Variants in PPP1R17 observed in about 807,000 individuals in gnomAD.
PPP1R17 encodes protein phosphatase 1 regulatory subunit 17.
PPP1R17 carries 12 observed loss-of-function variants against 15.9 expected under a neutral mutation model. The ratio of observed to expected loss-of-function variants is 0.75; its 90% CI spans 0.48 to 1.22. The LOEUF is 1.22. Ranked by LOEUF, PPP1R17 falls within the 50% of genes most tolerant of loss-of-function variation. The pLI is 0.00. For synonymous variants in PPP1R17, 63 were observed against 64.5 expected, an observed-to-expected ratio of 0.98 and a Z score of 0.11; for missense variants, 211 against 187.3, an observed-to-expected ratio of 1.13 and a Z score of -0.74.
intron 4 of PPP1R17, among the ~76,000 whole-genome samples, chr7:31,704,593 C>G (rs965170180): frequency 6.6e-6 from 1 of 152,178 alleles, no homozygotes; most frequent in African/African-American, 2.4e-5. Context: ...ATGTATTGTC[C>G]AGTGATTCCT....
At position 31,702,087 on chromosome 7, in the gene PPP1R17, T is replaced by A. The variant is rs116002130; in HGVS notation, c.388+4970T>A. On this transcript the variant is annotated intron_variant, in intron 4 of 4. Coordinates refer to ENST00000342032, the MANE Select transcript of PPP1R17 (RefSeq NM_006658.5). ...CCAGATCTGATCTATTTTCCATGGATCTTTTTCTGGTACTACCTATTAGTC... is the reference window on the plus strand; with the variant it reads ...CCAGATCTGATCTATTTTCCATGGAACTTTTTCTGGTACTACCTATTAGTC... Among the ~76,000 whole-genome samples the A allele has an allele frequency of 6.6e-3, 1,002 of 152,338 alleles. 9 individuals are homozygous for A. The highest frequency in any genetic ancestry group is 0.023 in the African/African-American group (953 of 41,588).
At chr7:31,688,024 G>A (rs2128236272) in intron 1 of PPP1R17, among the ~76,000 whole-genome samples, 1 of 152,294 alleles carries the variant, frequency 6.6e-6, no homozygotes, top group South Asian at 2.1e-4. Flanking sequence ...CAGCTTCAGA[G>A]AAGGCCAGAG....
In PPP1R17 at chr7:31,692,451, A is replaced by G. The variant is rs1349705704; in HGVS notation, c.10A>G (p.Thr4Ala). Residue 4 changes from threonine (T) to alanine (A), a missense_variant, in exon 2 of 5, where the codon ACT (threonine) becomes GCT (alanine). By Grantham distance (58) the Thr-to-Ala change is moderately conservative. Transcript: ENST00000342032. MMS[T>A]EQMQPLELSE... ...CACCCACCCTCCTTTGATGATGTCCACTGAGCAAATGCAGCCACTGGAACT... is the reference window on the plus strand; with the variant it reads ...CACCCACCCTCCTTTGATGATGTCCGCTGAGCAAATGCAGCCACTGGAACT... 2 of 1,610,280 alleles carry G rather than the reference A, an allele frequency of 1.2e-6. No homozygotes were observed. Among genetic ancestry groups the G allele is most frequent in the Non-Finnish European group, 8.5e-7 (1 of 1,176,518 alleles).
intron 4 of PPP1R17, among the ~76,000 whole-genome samples, chr7:31,699,623 G>A (rs1361666668): frequency 6.6e-6 from 1 of 151,690 alleles, no homozygotes; most frequent in African/African-American, 2.4e-5. Flanking sequence ...ACTTTTTTGT[G>A]CTTTTCAGAT....
In PPP1R17 at chr7:31,708,274, GA is replaced by G. The variant is rs1358684947; in HGVS notation, c.*992del. 6.6e-6 allele frequency: 1 copy of G among 152,234 alleles called. No individual in the cohort carries two copies. Among genetic ancestry groups the G allele is most frequent in the East Asian group, 1.9e-4 (1 of 5,196 alleles). The allele number at this position is 152,234 out of a possible 1,614,324, so 9.4% of individuals were successfully genotyped here. On this transcript the variant is annotated 3_prime_UTR_variant, in exon 5 of 5. Transcript: ENST00000342032. ...CTCATCCACCAGGCAATAGACAGGA[GA>G]GAGGTGAGAACTATTTTTAGAAGGA...
At chr7:31,695,337 A>T in intron 2 of PPP1R17, 132 bp from the exon 3 acceptor site, 1 of 748,474 alleles carries the variant, frequency 1.3e-6, no homozygotes, top group Non-Finnish European at 2.0e-6. Context: ...AGGCCACAAT[A>T]AATAAACACT....
intron 2 of PPP1R17, among the ~76,000 whole-genome samples, chr7:31,693,628 C>A (rs1349773453): frequency 6.6e-6 from 1 of 152,212 alleles, no homozygotes; most frequent in East Asian, 1.9e-4. Context: ...GGATGGTATT[C>A]ATATTTAACA....
Position 31,697,107 on chromosome 7 carries a change from C to T in PPP1R17, c.378C>T (p.Pro126=). The stretch of plus-strand genomic sequence containing the variant: ...ACACACCTGCCCTGCACATGTCCCC[C>T]TTTGCAGCAGGTAAAAAAGCTGGTG... The part of the protein sequence containing the change: ...RKDTPALHMS[P]FAAGVTLLRD... The change falls in exon 4 of 5, where the codon CCC becomes CCT. Residue 126 remains proline (P), a synonymous_variant. Transcript: ENST00000342032. The T allele has an allele frequency of 6.2e-7, 1 of 1,613,852 alleles. No individual in the cohort carries two copies. Among genetic ancestry groups the T allele is most frequent in the Non-Finnish European group, 8.5e-7 (1 of 1,179,896 alleles).
At chr7:31,687,730 C>A (rs1261800394) in intron 1 of PPP1R17, among the ~76,000 whole-genome samples, 1 of 152,132 alleles carries the variant, frequency 6.6e-6, no homozygotes, top group Non-Finnish European at 1.5e-5. Context: ...AAAGACGGTA[C>A]TTTTTGACCT....
intron 4 of PPP1R17, among the ~76,000 whole-genome samples, chr7:31,699,515 C>T (rs552192836): frequency 1.3e-5 from 2 of 152,300 alleles, no homozygotes; most frequent in Non-Finnish European, 2.9e-5. Context: ...AGTTTGATTG[C>T]TTCCCAAGGG....
At chr7:31,698,480 T>TCA (rs1324439091) in intron 4 of PPP1R17, among the ~76,000 whole-genome samples, 39 of 152,150 alleles carry the variant, frequency 2.6e-4, no homozygotes, top group Admixed American at 5.2e-4. Flanking sequence ...TCAGTTTCTT[T>TCA]CACACACACA....
chr7:31,696,850 G>A, intron 3 of PPP1R17, 115 bp from the exon 4 acceptor site: 1 of 1,209,170 alleles, frequency 8.3e-7, no homozygotes, highest in Non-Finnish European at 1.1e-6. Context: ...ATTAAAGTAA[G>A]TTTGGAAAGC....
At chr7:31,702,949 A>T (rs984853827) in intron 4 of PPP1R17, among the ~76,000 whole-genome samples, 1 of 152,224 alleles carries the variant, frequency 6.6e-6, no homozygotes, top group African/African-American at 2.4e-5. Flanking sequence ...GAGTCATCCC[A>T]GTATACGAAA....
At chr7:31,705,154 G>C (rs1008351934) in intron 4 of PPP1R17, among the ~76,000 whole-genome samples, 3 of 152,284 alleles carry the variant, frequency 2.0e-5, no homozygotes, top group Admixed American at 2.0e-4. Context: ...AGAAGGGCTG[G>C]CTGTGATGAT....
At chr7:31,690,393 C>T (rs2191731) in intron 1 of PPP1R17, among the ~76,000 whole-genome samples, 12,222 of 152,208 alleles carry the variant, frequency 0.08, 555 homozygotes, top group East Asian at 0.2. Flanking sequence ...AGGGTAAGCT[C>T]GGGGGACAGA....
In PPP1R17 at chr7:31,705,718, T is replaced by G. The variant is rs527277409; in HGVS notation, c.389-1486T>G. On this transcript the variant is annotated intron_variant, in intron 4 of 4. Coordinates refer to ENST00000342032, the MANE Select transcript of PPP1R17 (RefSeq NM_006658.5). ...GCTTCTCTTTCTCAAGTGTAGATCT[T>G]TATGAAATGCTTCATGGACTGGAAG... is the stretch of plus-strand genomic sequence containing the variant. Among the ~76,000 whole-genome samples the G allele has an allele frequency of 3.1e-4, 36 of 116,866 alleles. No homozygotes were observed. The South Asian group carries it at 8.4e-3, about 27-fold the overall frequency. The allele number at this position is 116,866 out of a possible 152,430, so 76.7% of individuals were successfully genotyped here.
chr7:31,707,225 A>T lies in PPP1R17; in HGVS notation c.410A>T (p.Glu137Val). The change falls in exon 5 of 5, where the codon GAG becomes GTG. Residue 137 changes from glutamate (E) to valine (V), a missense_variant. Physicochemically the swap from Glu to Val is moderately radical, Grantham distance 121 (BLOSUM62 -2). Transcript: ENST00000342032. Reference protein sequence around the residue: ...FAAGVTLLRDERPKAIVEDDE... With the variant: ...FAAGVTLLRDVRPKAIVEDDE... ...GCAGGTGTGACATTGCTCAGGGACG[A>T]GAGACCCAAAGCAATCGTGGAAGAT... 6.2e-7 allele frequency: 1 copy of T among 1,614,004 alleles called. No homozygotes were observed. The highest frequency in any genetic ancestry group is 2.2e-5 in the East Asian group (1 of 44,876).
In PPP1R17 at chr7:31,697,076, GA is replaced by G; in HGVS notation, c.351del (p.Asp118ThrfsTer14). On this transcript the variant is annotated frameshift_variant, in exon 4 of 5. Transcript: ENST00000342032. LOFTEE classifies it high-confidence loss of function. ...NTDLEQKKPRRKDTPALHMSP... is the reference protein window; with the variant it reads ...NTDLEQKKPRXKDTPALHMSP... ...GACCTGGAACAGAAAAAGCCAAGGA[GA>G]AAAGACACACCTGCCCTGCACATGT... 6.2e-7 allele frequency: 1 copy of G among 1,614,142 alleles called. No individual in the cohort carries two copies. The highest frequency in any genetic ancestry group is 8.5e-7 in the Non-Finnish European group (1 of 1,179,996).
At chr7:31,696,135 G>C (rs1175021762) in intron 3 of PPP1R17, 1 of 152,422 alleles carries the variant, frequency 6.6e-6, no homozygotes, top group African/African-American at 2.4e-5. Flanking sequence ...GCAGTCTGCT[G>C]AACAGCTAAC....
Sources: gnomAD v4.1 joint callset for allele counts (sites outside exome capture counted in the v4.1 genomes callset) on GRCh38, gnomAD v4.1.1 for gene constraint, MANE v1.5 for transcripts, NCBI Gene and HGNC (gene_info 2026-07-23, HGNC 2026-07-21) for gene names.